The following ST8SIA1 variants were observed in gnomAD, a reference collection of about 807,000 sequenced individuals.
The protein encoded by ST8SIA1 is alpha-N-acetylneuraminide alpha-2,8-sialyltransferase.
Under a neutral mutation model 35.9 loss-of-function variants are expected in ST8SIA1, and 16 were observed. The observed-to-expected ratio is 0.45, with a 90% CI of 0.30 to 0.68. The LOEUF (loss-of-function observed/expected upper bound fraction) is 0.68, where lower values mean the gene tolerates loss of function less well. ST8SIA1 is among the 30% of genes least tolerant of loss of function. ST8SIA1 has a pLI of 0.09. For synonymous variants in ST8SIA1, 170 were observed against 169.6 expected (o/e 1.00, Z -0.02); for missense variants, 383 against 453.6 (o/e 0.84, Z 1.41).
intron 2 of ST8SIA1, 69 bp from the exon 3 acceptor site, chr12:22,255,458 C>T: frequency 7.6e-7 from 1 of 1,314,860 alleles, no homozygotes; most frequent in Non-Finnish European, 1.1e-6. Flanking sequence ...TCATTGTTTA[C>T]AGCAGACCCT....
chr12:22,209,964 G>C (rs1186077514), intron 4 of ST8SIA1, among the ~76,000 whole-genome samples: 1 of 152,134 alleles, frequency 6.6e-6, no homozygotes, highest in Admixed American at 6.6e-5. Context: ...AGGGTGCCTG[G>C]CACGTGGCAT....
intron 2 of ST8SIA1, among the ~76,000 whole-genome samples, chr12:22,267,591 A>G (rs1201096113): frequency 1.3e-5 from 2 of 152,166 alleles, no homozygotes; most frequent in South Asian, 2.1e-4. Context: ...CAAGCATCCA[A>G]TCAACTGAGT....
At chr12:22,322,872 CTT>C (rs1866620121) in intron 1 of ST8SIA1, among the ~76,000 whole-genome samples, 1 of 152,306 alleles carries the variant, frequency 6.6e-6, no homozygotes, top group African/African-American at 2.4e-5. Context: ...GAAAATGACT[CTT>C]AAAATTAGAG....
intron 4 of ST8SIA1, among the ~76,000 whole-genome samples, chr12:22,219,089 A>G (rs1565569862): frequency 1.3e-5 from 2 of 152,124 alleles, no homozygotes. Context: ...CTAATTTAAA[A>G]CAACTGATAG....
In ST8SIA1 at chr12:22,197,201, C is replaced by T. The variant is rs1265262435; in HGVS notation, c.*4351G>A. 6 of 152,126 alleles carry T rather than the reference C, an allele frequency of 3.9e-5. No homozygotes were observed. The highest frequency in any genetic ancestry group is 2.0e-4 in the Admixed American group (3 of 15,272). 9.4% of individuals were successfully genotyped at this position (152,126 alleles called of 1,614,324 possible). On this transcript the variant is annotated 3_prime_UTR_variant, in exon 5 of 5. Coordinates refer to ENST00000396037, the MANE Select transcript of ST8SIA1 (RefSeq NM_003034.4). ...ATAACCTGAGAGTCGACCTATACGA[C>T]GGGAAGATAAAGAAAAAGCACAACA...
intron 2 of ST8SIA1, among the ~76,000 whole-genome samples, chr12:22,258,427 G>T (rs1289621309): frequency 6.6e-6 from 1 of 151,858 alleles, no homozygotes; most frequent in African/African-American, 2.4e-5. Flanking sequence ...AGACTGGATG[G>T]TGAATGAGTG....
intron 1 of ST8SIA1, chr12:22,333,767 T>A (rs933301387): frequency 2.7e-6 from 2 of 736,108 alleles, no homozygotes; most frequent in Non-Finnish European, 4.9e-6. Flanking sequence ...GTCGAGTCTT[T>A]ACATGCGCAA....
intron 4 of ST8SIA1, among the ~76,000 whole-genome samples, chr12:22,227,358 G>GA (rs1405623060): frequency 2.0e-5 from 3 of 151,828 alleles, no homozygotes; most frequent in African/African-American, 7.3e-5. Flanking sequence ...GGCAGATCAC[G>GA]AGGTCAGCAG....
intron 1 of ST8SIA1, chr12:22,324,874 C>A (rs974791305): frequency 4.0e-5 from 6 of 150,566 alleles, no homozygotes; most frequent in Admixed American, 3.3e-4. Context: ...ATTATTTTTC[C>A]AAAATAAAAA....
intron 1 of ST8SIA1, among the ~76,000 whole-genome samples, chr12:22,328,490 T>C (rs559657645): frequency 1.3e-5 from 2 of 152,038 alleles, no homozygotes; most frequent in Admixed American, 6.5e-5. Flanking sequence ...CAGTTATTTG[T>C]ATATTTCTCT....
chr12:22,195,694 C>A lies in ST8SIA1; in HGVS notation c.*5858G>T, dbSNP rs1434239076. On this transcript the variant is annotated 3_prime_UTR_variant, in exon 5 of 5. Coordinates refer to ENST00000396037, the MANE Select transcript of ST8SIA1 (RefSeq NM_003034.4). ...CTGCACTCAAGGTCAACAGCCTCTT[C>A]CTTGCTTCCTGCTGAACTCTCTTCT... 6.6e-6 allele frequency: 1 copy of A among 152,192 alleles called. No homozygotes were observed. The highest frequency in any genetic ancestry group is 2.4e-5 in the African/African-American group (1 of 41,450). 9.4% of individuals were successfully genotyped at this position (152,192 alleles called of 1,614,324 possible).
At chr12:22,249,569 T>C (rs937597103) in intron 3 of ST8SIA1, among the ~76,000 whole-genome samples, 1 of 152,174 alleles carries the variant, frequency 6.6e-6, no homozygotes, top group Non-Finnish European at 1.5e-5. Flanking sequence ...TTACCACCTC[T>C]CCCTTTTAAT....
chr12:22,316,029 T>C (rs1223704519), intron 1 of ST8SIA1, among the ~76,000 whole-genome samples: 1 of 151,996 alleles, frequency 6.6e-6, no homozygotes, highest in African/African-American at 2.4e-5. Context: ...CTAAAAAAAC[T>C]AAATACTCTG....
chr12:22,315,819 G>A (rs984624166), intron 1 of ST8SIA1, among the ~76,000 whole-genome samples: 1 of 151,586 alleles, frequency 6.6e-6, no homozygotes, highest in South Asian at 2.1e-4. Context: ...ATGCTGTATG[G>A]TGAAATCATT....
intron 2 of ST8SIA1, among the ~76,000 whole-genome samples, chr12:22,284,926 A>C (rs1463316880): frequency 1.3e-5 from 2 of 152,224 alleles, no homozygotes. Context: ...AAAAGTCCTC[A>C]TCTATAAAAA....
chr12:22,238,875 G>A (rs1865506517), intron 4 of ST8SIA1, among the ~76,000 whole-genome samples: 1 of 151,912 alleles, frequency 6.6e-6, no homozygotes, highest in African/African-American at 2.4e-5. Context: ...TTTTTCTGAG[G>A]TATATTCTTC....
intron 1 of ST8SIA1, among the ~76,000 whole-genome samples, chr12:22,299,008 A>T (rs1028144131): frequency 5.9e-5 from 9 of 152,200 alleles, no homozygotes; most frequent in Non-Finnish European, 1.3e-4. Context: ...TAAAGAAGCG[A>T]CAACTGGCAA....
chr12:22,317,397 A>G (rs1442881240), intron 1 of ST8SIA1, among the ~76,000 whole-genome samples: 1 of 152,216 alleles, frequency 6.6e-6, no homozygotes. Flanking sequence ...AGTTTATGAG[A>G]GCCAGGAGTA....
intron 1 of ST8SIA1, chr12:22,324,492 CA>C (rs2135843982): frequency 6.6e-6 from 1 of 152,058 alleles, no homozygotes; most frequent in East Asian, 1.9e-4. Flanking sequence ...ATCTTACAGC[CA>C]TTAGAAGAGA....
Sources: allele counts gnomAD v4.1 joint callset (sites outside exome capture counted in the v4.1 genomes callset), GRCh38; gene constraint gnomAD v4.1.1; transcripts MANE v1.5; gene names NCBI Gene and HGNC (gene_info 2026-07-23, HGNC 2026-07-21).